GRIK3: variants seen among roughly 807,000 people sequenced by gnomAD.
GRIK3 encodes glutamate receptor ionotropic, kainate 3.
GRIK3 carries 29 observed loss-of-function variants against 102.5 expected under a neutral mutation model. The ratio of observed to expected loss-of-function variants is 0.28; its 90% CI spans 0.21 to 0.39. The LOEUF (loss-of-function observed/expected upper bound fraction) is 0.39. Ranked by LOEUF, GRIK3 falls within the 10% of genes least tolerant of loss-of-function variation. The probability of loss-of-function intolerance (pLI) is 1.00; values close to 1 mark genes in which losing one functional copy is unlikely to be tolerated. For missense variants in GRIK3, 908 were observed against 1,252.4 expected (o/e 0.73, Z 4.15); for synonymous variants, 511 against 504.9 (o/e 1.01, Z -0.16).
chr1:36,852,881 G>A (rs1201542186), intron 8 of GRIK3, among the ~76,000 whole-genome samples: 1 of 152,184 alleles, frequency 6.6e-6, no homozygotes, highest in Non-Finnish European at 1.5e-5. Flanking sequence ...TTGAGGGCTC[G>A]TATTAAATCT....
At chr1:36,803,349 G>C (rs1642462934) in intron 15 of GRIK3, among the ~76,000 whole-genome samples, 1 of 152,170 alleles carries the variant, frequency 6.6e-6, no homozygotes, top group African/African-American at 2.4e-5. Context: ...AGTGAGGGAA[G>C]GAAGTGGGCA....
At chr1:37,011,613 G>A (rs868750017) in intron 1 of GRIK3, among the ~76,000 whole-genome samples, 2 of 152,366 alleles carry the variant, frequency 1.3e-5, no homozygotes, top group South Asian at 4.1e-4. Flanking sequence ...TTATTAGCAT[G>A]CAGTGGAGGC....
At chr1:36,923,353 C>T (rs1008178681) in intron 1 of GRIK3, among the ~76,000 whole-genome samples, 2 of 152,164 alleles carry the variant, frequency 1.3e-5, no homozygotes, top group Non-Finnish European at 2.9e-5. Context: ...TTAAAGGGAC[C>T]TCTACTGATT....
intron 1 of GRIK3, among the ~76,000 whole-genome samples, chr1:36,949,977 A>G (rs499398): frequency 0.02 from 3,082 of 152,254 alleles, 104 homozygotes; most frequent in African/African-American, 0.07. Flanking sequence ...GCTGGTAAAT[A>G]TCAGAGCCAG....
chr1:36,816,065 A>G (rs1557690594), intron 13 of GRIK3, among the ~76,000 whole-genome samples: 1 of 152,154 alleles, frequency 6.6e-6, no homozygotes, highest in Non-Finnish European at 1.5e-5. Flanking sequence ...CTGTGTTTCA[A>G]CAAGTCCTCC....
intron 1 of GRIK3, among the ~76,000 whole-genome samples, chr1:36,977,774 C>G (rs780622668): frequency 6.6e-6 from 1 of 152,156 alleles, no homozygotes; most frequent in African/African-American, 2.4e-5. Context: ...TCAGCCAAGA[C>G]CCACCCACCC....
chr1:36,897,951 C>T (rs541010191), intron 1 of GRIK3, among the ~76,000 whole-genome samples: 2 of 152,166 alleles, frequency 1.3e-5, no homozygotes, highest in South Asian at 4.2e-4. Flanking sequence ...CAATGGAGTA[C>T]TATTCAGCCA....
At chr1:36,871,242 T>C (rs996352242) in intron 4 of GRIK3, among the ~76,000 whole-genome samples, 2 of 152,112 alleles carry the variant, frequency 1.3e-5, no homozygotes, top group Non-Finnish European at 2.9e-5. Context: ...TTAAGTGCGG[T>C]GTAAAGGAGC....
intron 7 of GRIK3, among the ~76,000 whole-genome samples, chr1:36,854,114 C>T (rs1358252920): frequency 6.6e-6 from 1 of 152,178 alleles, no homozygotes; most frequent in Non-Finnish European, 1.5e-5. Flanking sequence ...CTGGCCTTGG[C>T]TGTAGAACCA....
chr1:37,008,258 C>T (rs956809258), intron 1 of GRIK3, among the ~76,000 whole-genome samples: 1 of 152,194 alleles, frequency 6.6e-6, no homozygotes, highest in African/African-American at 2.4e-5. Context: ...CCTTACCGAG[C>T]GGGGTTCCCC....
intron 1 of GRIK3, among the ~76,000 whole-genome samples, chr1:36,963,384 A>G (rs997911516): frequency 9.2e-5 from 14 of 152,126 alleles, no homozygotes; most frequent in African/African-American, 3.1e-4. Context: ...AGTCACACCA[A>G]TGCTTCCCAG....
intron 1 of GRIK3, among the ~76,000 whole-genome samples, chr1:36,911,876 T>G (rs1641349098): frequency 6.6e-6 from 1 of 152,064 alleles, no homozygotes; most frequent in African/African-American, 2.4e-5. Context: ...AGAGCCACCA[T>G]GCGGGCCTCC....
intron 3 of GRIK3, among the ~76,000 whole-genome samples, chr1:36,879,939 T>G (rs991012869): frequency 6.6e-6 from 1 of 151,924 alleles, no homozygotes; most frequent in Admixed American, 6.6e-5. Context: ...CAGGGGCTGG[T>G]GTGTGTGCGA....
chr1:36,844,048 C>T (rs1570756048), intron 9 of GRIK3, among the ~76,000 whole-genome samples: 1 of 152,246 alleles, frequency 6.6e-6, no homozygotes, highest in Admixed American at 6.5e-5. Context: ...CTGCTGGGCT[C>T]CCGCTGTGGC....
At chr1:36,972,571 T>C (rs1480938672) in intron 1 of GRIK3, among the ~76,000 whole-genome samples, 1 of 152,154 alleles carries the variant, frequency 6.6e-6, no homozygotes, top group African/African-American at 2.4e-5. Context: ...CTTATTCCCC[T>C]TTCCCTCAGG....
chr1:36,871,001 C>T (rs1544075), intron 4 of GRIK3, among the ~76,000 whole-genome samples: 135,412 of 151,676 alleles, frequency 0.89, 60,747 homozygotes, highest in East Asian at 0.99. Context: ...CTGGGGCATG[C>T]GTGTTTCCTC....
At chr1:36,840,213 G>A (rs1640430002) in intron 10 of GRIK3, among the ~76,000 whole-genome samples, 1 of 151,240 alleles carries the variant, frequency 6.6e-6, no homozygotes, top group African/African-American at 2.5e-5. Context: ...GCTTTTATAA[G>A]GATAAATGAG....
rs565130806 is a variant in GRIK3 at position 36,806,404 on chromosome 1, C to T, written c.2092-78G>A. 3.1e-5 allele frequency: 26 copies of T among 850,214 alleles called. No individual in the cohort carries two copies. Among genetic ancestry groups the T allele is most frequent in the South Asian group, 1.1e-4 (7 of 62,468 alleles). The allele number at this position is 850,214 out of a possible 1,614,324, so 52.7% of individuals were successfully genotyped here. A position where few individuals can be genotyped will look rare whatever the true frequency, so the allele number is the denominator to read the frequency against. On this transcript the variant is annotated intron_variant, in intron 13 of 15. Coordinates refer to ENST00000373091, the MANE Select transcript of GRIK3 (RefSeq NM_000831.4). The surrounding 1 kb of genome is among the most constrained non-coding windows in gnomAD (Gnocchi z 4.0). ...ACCAAGCACCGCATACCCTGCACAA[C>T]GTGGGTTGGGGCCTTGAACTCGGTC...
At chr1:36,986,499 C>T (rs1036199631) in intron 1 of GRIK3, among the ~76,000 whole-genome samples, 3 of 151,090 alleles carry the variant, frequency 2.0e-5, no homozygotes, top group African/African-American at 7.4e-5. Flanking sequence ...TCCATCCATC[C>T]ATCCATCCAT....
Sources: gnomAD v4.1 joint callset for allele counts (sites outside exome capture counted in the v4.1 genomes callset) on GRCh38, gnomAD v4.1.1 for gene constraint, Gnocchi (gnomAD v3.1) non-coding constraint, MANE v1.5 for transcripts, NCBI Gene and HGNC (gene_info 2026-07-23, HGNC 2026-07-21) for gene names.